The following CLOCK variants were observed in gnomAD, a reference collection of about 807,000 sequenced individuals.
The protein encoded by CLOCK is clock circadian regulator.
Under a neutral mutation model 118.4 loss-of-function variants are expected in CLOCK, and 43 were observed. The observed-to-expected ratio is 0.36, with a 90% CI of 0.28 to 0.47. The LOEUF is 0.47. Among genes scored for constraint, CLOCK ranks in the 20% least tolerant of loss-of-function variants. The probability of loss-of-function intolerance (pLI) is 1.00; values close to 1 mark genes in which losing one functional copy is unlikely to be tolerated. For missense variants in CLOCK, 846 were observed against 999.9 expected, an observed-to-expected ratio of 0.85 and a Z score of 2.08; for synonymous variants, 326 against 339.2, an observed-to-expected ratio of 0.96 and a Z score of 0.43.
At chr4:55,542,612 GGGAT>G (rs1278487685) in intron 1 of CLOCK, among the ~76,000 whole-genome samples, 1 of 151,974 alleles carries the variant, frequency 6.6e-6, no homozygotes. Context: ...GAGAACCAGA[GGGAT>G]GGATGGAGGA....
chr4:55,539,591 A>G (rs1731127000), intron 1 of CLOCK, among the ~76,000 whole-genome samples: 1 of 151,078 alleles, frequency 6.6e-6, no homozygotes, highest in Non-Finnish European at 1.5e-5. Context: ...AAAAAAAAAA[A>G]AAAAAAAAAG....
intron 2 of CLOCK, among the ~76,000 whole-genome samples, chr4:55,507,148 T>C (rs564624761): frequency 1.4e-4 from 21 of 151,974 alleles, no homozygotes; most frequent in Non-Finnish European, 1.9e-4. Context: ...ACCTCATCTC[T>C]ACAAAAAATA....
chr4:55,448,923 C>T, intron 17 of CLOCK, 55 bp from the exon 18 acceptor site: 1 of 1,295,504 alleles, frequency 7.7e-7, no homozygotes, highest in Non-Finnish European at 1.1e-6. Context: ...TACATGAGTA[C>T]TTCCAGCAGA....
intron 1 of CLOCK, among the ~76,000 whole-genome samples, chr4:55,523,927 A>C (rs888651869): frequency 6.6e-6 from 1 of 152,184 alleles, no homozygotes; most frequent in Non-Finnish European, 1.5e-5. Flanking sequence ...AAAATGAGCA[A>C]TCCAACAACT....
intron 1 of CLOCK, among the ~76,000 whole-genome samples, chr4:55,511,130 T>A (rs1729119865): frequency 6.6e-6 from 1 of 152,192 alleles, no homozygotes; most frequent in African/African-American, 2.4e-5. Flanking sequence ...GCGTCCATTG[T>A]GCAGAATGAG....
At chr4:55,438,641 GC>G (rs2109650371) in intron 21 of CLOCK, 104 bp from the exon 22 acceptor site, 1 of 1,548,156 alleles carries the variant, frequency 6.5e-7, no homozygotes, top group East Asian at 2.3e-5. Context: ...CAATGACATT[GC>G]CAGTTTGTTT....
intron 8 of CLOCK, among the ~76,000 whole-genome samples, chr4:55,464,445 G>A (rs1016359057): frequency 7.9e-5 from 12 of 152,190 alleles, no homozygotes; most frequent in African/African-American, 2.7e-4. Context: ...AGATGAATAA[G>A]ATAGTTTCTA....
At position 55,453,085 on chromosome 4, in the gene CLOCK, T is replaced by C; in HGVS notation, c.1175A>G (p.Glu392Gly). 6.2e-7 allele frequency: 1 copy of C among 1,612,618 alleles called. No individual in the cohort carries two copies. Among genetic ancestry groups the C allele is most frequent in the Non-Finnish European group, 8.5e-7 (1 of 1,179,026 alleles). ...RAERRRELGI[E>G]ESLPETAADK... ...AGCAGCTGTCTCAGGAAGAGACTCT[T>C]CAATGCCAAGTTCTCGTCGTCTTTC... Residue 392 changes from glutamate (E) to glycine (G), a missense_variant, in exon 15 of 23, where the codon GAA becomes GGA. This residue lies in a region of CLOCK where 520 missense variants were observed against 558.0 expected (regional missense o/e 0.93). Transcript: ENST00000513440.
At chr4:55,446,331 C>T (rs1723848741) in intron 18 of CLOCK, among the ~76,000 whole-genome samples, 1 of 152,076 alleles carries the variant, frequency 6.6e-6, no homozygotes, top group Admixed American at 6.6e-5. Flanking sequence ...TCAGGCAATC[C>T]TCCCACAAGC....
At chr4:55,486,872 C>T (rs987106433) in intron 3 of CLOCK, among the ~76,000 whole-genome samples, 3 of 152,178 alleles carry the variant, frequency 2.0e-5, no homozygotes, top group Non-Finnish European at 4.4e-5. Context: ...CTTTTCCTAA[C>T]TGGTAACTCA....
intron 7 of CLOCK, among the ~76,000 whole-genome samples, chr4:55,473,584 T>TTC (rs1726291210): frequency 6.6e-6 from 1 of 151,980 alleles, no homozygotes; most frequent in African/African-American, 2.4e-5. Flanking sequence ...GAGACGTGGC[T>TTC]ATAATCTATT....
rs60471915 is a variant in CLOCK at position 55,503,978 on chromosome 4, T to TAAAAAAAAAA, written c.-136+5924_-136+5933dup. Among the ~76,000 whole-genome samples, 4 of 71,146 alleles carry TAAAAAAAAAA rather than the reference T, an allele frequency of 5.6e-5. 1 individual carries two copies. Among genetic ancestry groups the TAAAAAAAAAA allele is most frequent in the Admixed American group, 2.3e-4 (1 of 4,400 alleles). The allele number at this position is 71,146 out of a possible 152,430, so 46.7% of individuals were successfully genotyped here. On this transcript the variant is annotated intron_variant, in intron 2 of 22. Transcript: ENST00000513440. ...ACAGTTTCTATTTGGCAAAAAGAGGTAAAAAAAAAAAAAAAAAAAAAAAAA... is the reference window on the plus strand; with the variant it reads ...ACAGTTTCTATTTGGCAAAAAGAGGTAAAAAAAAAAAAAAAAAAAAAAAAAAAAAAAAAAA...
In CLOCK at chr4:55,479,679, T is replaced by C; in HGVS notation, c.68A>G (p.Asp23Gly). The change falls in exon 5 of 23, where the codon GAT (aspartate) becomes GGT (glycine). Residue 23 changes from aspartate to glycine, a missense_variant. Physicochemically the swap from Asp to Gly is moderately conservative, Grantham distance 94. Around this residue, in one of 4 missense-constraint regions of CLOCK, gnomAD observed 246 missense variants for 300.2 expected, o/e 0.82. Coordinates refer to ENST00000513440, the MANE Select transcript of CLOCK (RefSeq NM_004898.4). ...CTTGTCATCTTCTTCCACCAACCCA[T>C]CAAAAATACTACTGTCATCTCTAAA... ...IVDRDDSSIF[D>G]GLVEEDDKDK... is the part of the protein sequence containing the mutation. 1 of 1,612,718 alleles carries C rather than the reference T, an allele frequency of 6.2e-7. No individual in the cohort carries two copies. Among genetic ancestry groups the C allele is most frequent in the Non-Finnish European group, 8.5e-7 (1 of 1,179,180 alleles).
chr4:55,536,556 G>GC (rs1328895633), intron 1 of CLOCK, among the ~76,000 whole-genome samples: 1 of 152,062 alleles, frequency 6.6e-6, no homozygotes, highest in Non-Finnish European at 1.5e-5. Context: ...TCATGCACCT[G>GC]CTCTCCCTTC....
intron 2 of CLOCK, among the ~76,000 whole-genome samples, chr4:55,499,912 T>A (rs895556125): frequency 1.3e-5 from 2 of 152,218 alleles, no homozygotes; most frequent in Non-Finnish European, 2.9e-5. Flanking sequence ...TCTTTGAGAC[T>A]TCCAAAGCAT....
chr4:55,460,897 T>G (rs1725288451), intron 9 of CLOCK, among the ~76,000 whole-genome samples: 1 of 151,762 alleles, frequency 6.6e-6, no homozygotes, highest in South Asian at 2.1e-4. Context: ...CTATTGAGTT[T>G]ACACACTTAA....
intron 18 of CLOCK, among the ~76,000 whole-genome samples, 175 bp downstream of exon 18, chr4:55,448,604 G>GCA (rs1724134780): frequency 2.8e-5 from 1 of 36,176 alleles, no homozygotes; most frequent in Non-Finnish European, 4.5e-5. Flanking sequence ...ACGCGCGCGT[G>GCA]TGTGTGTGTG....
chr4:55,493,767 T>C (rs937054380), intron 2 of CLOCK, among the ~76,000 whole-genome samples: 4 of 152,150 alleles, frequency 2.6e-5, no homozygotes, highest in Admixed American at 2.6e-4. Context: ...CTACAATCAA[T>C]TTAAATTTGA....
chr4:55,453,912 T>G (rs375241139), intron 13 of CLOCK, 88 bp from the exon 14 acceptor site: 29 of 973,742 alleles, frequency 3.0e-5, no homozygotes, highest in South Asian at 2.6e-4. Flanking sequence ...TACATTTAAG[T>G]TTACACATAC....
Sources: gnomAD v4.1 joint callset for allele counts (sites outside exome capture counted in the v4.1 genomes callset) on GRCh38, gnomAD v4.1.1 for gene constraint, gnomAD v4.1.1 regional missense constraint, MANE v1.5 for transcripts, NCBI Gene and HGNC (gene_info 2026-07-23, HGNC 2026-07-21) for gene names.